ASIC2: variants seen among roughly 807,000 people sequenced by gnomAD.
The protein encoded by ASIC2 is acid sensing ion channel subunit 2, also known as acid-sensing ion channel 2.
Under a neutral mutation model 57.3 loss-of-function variants are expected in ASIC2, and 25 were observed. The ratio of observed to expected loss-of-function variants is 0.44; its 90% CI spans 0.32 to 0.61. The LOEUF is 0.61. ASIC2 is among the 20% of genes least tolerant of loss of function. ASIC2 has a pLI of 0.06. For synonymous variants in ASIC2, 319 were observed against 307.5 expected (o/e 1.04, Z -0.39); for missense variants, 641 against 738.1 (o/e 0.87, Z 1.52).
intron 1 of ASIC2, among the ~76,000 whole-genome samples, chr17:33,152,067 C>G (rs1904823543): frequency 6.6e-6 from 1 of 152,200 alleles, no homozygotes; most frequent in African/African-American, 2.4e-5. Flanking sequence ...GTCATCTCCT[C>G]TGGAGACTTT....
At chr17:33,418,019 CATGTATGTATGTGTGTGTGTGTGT>C (rs1454260856) in intron 1 of ASIC2, among the ~76,000 whole-genome samples, 2 of 101,848 alleles carry the variant, frequency 2.0e-5, no homozygotes, top group African/African-American at 8.7e-5. Context: ...TGGCTCTCAG[CATGTATGTATGTGTGTGTGTGTGT>C]GTGTGTGTGT....
chr17:33,518,688 C>A (rs1914645263), intron 1 of ASIC2, among the ~76,000 whole-genome samples: 1 of 152,214 alleles, frequency 6.6e-6, no homozygotes. Context: ...AATGTTACTG[C>A]CTCATTACAA....
At chr17:33,707,485 T>C (rs1249496814) in intron 1 of ASIC2, among the ~76,000 whole-genome samples, 1 of 152,214 alleles carries the variant, frequency 6.6e-6, no homozygotes, top group Non-Finnish European at 1.5e-5. Flanking sequence ...ATTTGTCCAT[T>C]CTATCAAACT....
At chr17:33,521,098 C>A (rs542011124) in intron 1 of ASIC2, among the ~76,000 whole-genome samples, 1 of 152,228 alleles carries the variant, frequency 6.6e-6, no homozygotes, top group South Asian at 2.1e-4. Flanking sequence ...GTTCAATAAC[C>A]TCAAGGCAGT....
chr17:33,015,860 G>A, intron 9 of ASIC2, 111 bp downstream of exon 9: 1 of 1,131,930 alleles, frequency 8.8e-7, no homozygotes, highest in Admixed American at 1.9e-5. Context: ...CCAAGCCATG[G>A]AAAGGTGTGC....
At chr17:33,887,528 C>CAG (rs1914857339) in intron 1 of ASIC2, among the ~76,000 whole-genome samples, 1 of 152,120 alleles carries the variant, frequency 6.6e-6, no homozygotes. Context: ...AGGCAGCACC[C>CAG]AGCAGGTCAG....
intron 1 of ASIC2, among the ~76,000 whole-genome samples, chr17:33,744,637 A>G (rs559667471): frequency 6.6e-6 from 1 of 152,204 alleles, no homozygotes; most frequent in Non-Finnish European, 1.5e-5. Context: ...TCCATTTTTC[A>G]ACACAAAATT....
chr17:33,259,390 T>C (rs1909200924), intron 1 of ASIC2, among the ~76,000 whole-genome samples: 1 of 152,190 alleles, frequency 6.6e-6, no homozygotes, highest in East Asian at 1.9e-4. Flanking sequence ...TGTAAACCTA[T>C]GTATTATACA....
intron 1 of ASIC2, among the ~76,000 whole-genome samples, chr17:33,382,798 G>C (rs1212574109): frequency 2.6e-5 from 4 of 152,178 alleles, no homozygotes; most frequent in African/African-American, 9.7e-5. Context: ...AAAATACTCA[G>C]TACATGTTAG....
rs183379253 is a variant in ASIC2, at chr17:33,022,195, T to G, written c.1350-885A>C. Among the ~76,000 whole-genome samples the G allele has an allele frequency of 1.9e-4, 29 of 152,290 alleles. No individual in the cohort carries two copies. In the East Asian group the frequency reaches 5.0e-3, roughly 26 times the overall value. ...TCTCTTGCTTGGCTTGCCACAGCTG[T>G]TTCCTAACAGTTCCCTTCTTCCCAT... On this transcript the variant is annotated intron_variant, in intron 6 of 9. Coordinates refer to ENST00000225823, the MANE Select transcript of ASIC2 (RefSeq NM_183377.2).
intron 1 of ASIC2, among the ~76,000 whole-genome samples, chr17:34,074,613 A>G (rs922488063): frequency 6.6e-6 from 1 of 152,036 alleles, no homozygotes; most frequent in African/African-American, 2.4e-5. Context: ...TTCTAGTCCA[A>G]ACCCTGCGAG....
chr17:33,496,000 C>T (rs369096894), intron 1 of ASIC2, among the ~76,000 whole-genome samples: 4 of 152,232 alleles, frequency 2.6e-5, no homozygotes, highest in South Asian at 4.2e-4. Flanking sequence ...GCCACAGAGG[C>T]AGATTGAACC....
intron 1 of ASIC2, among the ~76,000 whole-genome samples, chr17:34,099,587 AAAG>A: frequency 6.7e-6 from 1 of 150,372 alleles, no homozygotes; most frequent in Non-Finnish European, 1.5e-5. Context: ...AGAAGGAAGG[AAAG>A]AAAGAGAAAA....
chr17:33,916,250 T>C (rs1189977145), intron 1 of ASIC2, among the ~76,000 whole-genome samples: 2 of 152,184 alleles, frequency 1.3e-5, no homozygotes, highest in Non-Finnish European at 2.9e-5. Context: ...CACATGAGAC[T>C]TTTTCTGAGG....
intron 1 of ASIC2, among the ~76,000 whole-genome samples, chr17:34,053,022 T>C (rs1296823552): frequency 6.6e-6 from 1 of 152,142 alleles, no homozygotes; most frequent in Non-Finnish European, 1.5e-5. Flanking sequence ...GCACCAGACC[T>C]AGGCTTGGAG....
At chr17:33,344,765 T>C (rs900099219) in intron 1 of ASIC2, among the ~76,000 whole-genome samples, 13 of 152,150 alleles carry the variant, frequency 8.5e-5, no homozygotes, top group African/African-American at 3.1e-4. Flanking sequence ...AGAATGTATA[T>C]ATTTATTTGC....
intron 1 of ASIC2, among the ~76,000 whole-genome samples, chr17:33,462,205 A>C (rs1912660612): frequency 6.6e-6 from 1 of 151,756 alleles, no homozygotes; most frequent in Non-Finnish European, 1.5e-5. Context: ...GATACTAATT[A>C]CTCCCTGGTA....
chr17:33,780,693 AC>A (rs2142128222), intron 1 of ASIC2, among the ~76,000 whole-genome samples: 1 of 152,278 alleles, frequency 6.6e-6, no homozygotes, highest in South Asian at 2.1e-4. Flanking sequence ...TGTGGCGGGC[AC>A]TGTCCCCAGA....
chr17:33,314,974 C>T (rs1233272934), intron 1 of ASIC2, among the ~76,000 whole-genome samples: 3 of 152,118 alleles, frequency 2.0e-5, no homozygotes, highest in Admixed American at 2.0e-4. Flanking sequence ...GGAAATTGGA[C>T]CTCTTGTGGC....
Sources: allele counts gnomAD v4.1 joint callset (sites outside exome capture counted in the v4.1 genomes callset), GRCh38; gene constraint gnomAD v4.1.1; transcripts MANE v1.5; gene names NCBI Gene and HGNC (gene_info 2026-07-23, HGNC 2026-07-21).